The following FREM3 variants were observed in gnomAD, a reference collection of about 807,000 sequenced individuals.
The protein encoded by FREM3 is FRAS1-related extracellular matrix protein 3.
In FREM3, 105 loss-of-function variants were observed where a neutral mutation model predicts 129.1. The observed-to-expected ratio is 0.81, with a 90% CI of 0.69 to 0.96. The LOEUF (loss-of-function observed/expected upper bound fraction) is 0.96, where lower values mean the gene tolerates loss of function less well. FREM3 is among the 40% of genes least tolerant of loss of function. The pLI is 0.00. For synonymous variants in FREM3, 1,014 were observed against 1,044.9 expected (o/e 0.97, Z 0.57); for missense variants, 2,593 against 2,666.3 (o/e 0.97, Z 0.61).
chr4:143,692,318 T>G (rs918760328), intron 2 of FREM3, among the ~76,000 whole-genome samples: 1 of 152,198 alleles, frequency 6.6e-6, no homozygotes, highest in Non-Finnish European at 1.5e-5. Flanking sequence ...GCCTCTCATA[T>G]AGGACTACTT....
intron 6 of FREM3, among the ~76,000 whole-genome samples, chr4:143,600,073 A>T (rs1179377015): frequency 2.0e-5 from 3 of 152,206 alleles, no homozygotes; most frequent in Non-Finnish European, 2.9e-5. Flanking sequence ...CCTGGAGCAG[A>T]GGCATAGGAA....
chr4:143,661,790 ATTCAAC>A lies in FREM3; in HGVS notation c.5275+31317_5275+31322del, dbSNP rs529995442. 6.0e-3 allele frequency among the ~76,000 whole-genome samples: 906 copies of A among 152,222 alleles called. 3 individuals carry two copies. Among genetic ancestry groups the A allele is most frequent in the Non-Finnish European group, 8.2e-3 (557 of 68,022 alleles). On this transcript the variant is annotated intron_variant, in intron 2 of 7. Coordinates refer to ENST00000329798, the MANE Select transcript of FREM3 (RefSeq NM_001168235.2). ...GCTCCTGTTATTGGTCTATTTAGAG[ATTCAAC>A]TTCATCCTGGTTTAGTCTTGGGAGG...
chr4:143,676,719 A>G (rs1740138164), intron 2 of FREM3, among the ~76,000 whole-genome samples: 1 of 152,212 alleles, frequency 6.6e-6, no homozygotes, highest in Admixed American at 6.5e-5. Flanking sequence ...TCAGTGTGCA[A>G]AAATCACAAG....
At chr4:143,616,458 T>G (rs1217733359) in intron 5 of FREM3, among the ~76,000 whole-genome samples, 1 of 152,096 alleles carries the variant, frequency 6.6e-6, no homozygotes, top group Non-Finnish European at 1.5e-5. Flanking sequence ...AAAAAGAAAG[T>G]CTTTCACCTG....
intron 2 of FREM3, among the ~76,000 whole-genome samples, chr4:143,632,902 C>A (rs1261488248): frequency 2.0e-5 from 3 of 152,138 alleles, no homozygotes; most frequent in African/African-American, 7.2e-5. Flanking sequence ...TGCATGTAGC[C>A]CACAGGCCAT....
intron 5 of FREM3, among the ~76,000 whole-genome samples, chr4:143,617,803 C>T (rs1328596807): frequency 1.3e-5 from 2 of 152,166 alleles, no homozygotes; most frequent in African/African-American, 2.4e-5. Context: ...TCCATTGGTG[C>T]ACTGGGGCTC....
In FREM3 at chr4:143,698,208, T is replaced by C. The variant is rs757666262; in HGVS notation, c.2468A>G (p.Gln823Arg). ...TTCTGGGGGCTGGTTGTCCACAGGT[T>C]GCAGGAATAATGTGAATGTGCCTGG... Reference protein sequence around the residue: ...SVPGTFTLFLQPVDNQPPEVT... With the variant: ...SVPGTFTLFLRPVDNQPPEVT... Residue 823 changes from glutamine to arginine, a missense_variant, in exon 1 of 8, where the codon CAA becomes CGA. Gln to Arg is a conservative substitution (Grantham distance 43, BLOSUM62 1). Coordinates refer to ENST00000329798, the MANE Select transcript of FREM3 (RefSeq NM_001168235.2). 2.0e-6 allele frequency: 3 copies of C among 1,537,454 alleles called. No homozygotes were observed. Among genetic ancestry groups the C allele is most frequent in the East Asian group, 4.9e-5 (2 of 40,924 alleles).
intron 5 of FREM3, among the ~76,000 whole-genome samples, chr4:143,615,879 G>T (rs1403098341): frequency 6.6e-6 from 1 of 152,188 alleles, no homozygotes; most frequent in East Asian, 1.9e-4. Flanking sequence ...ACCATTGCAG[G>T]TGGAGACAGG....
chr4:143,674,391 G>GCGCT (rs1441238764), intron 2 of FREM3, among the ~76,000 whole-genome samples: 1 of 152,096 alleles, frequency 6.6e-6, no homozygotes, highest in Non-Finnish European at 1.5e-5. Context: ...CCTGAAGGAA[G>GCGCT]CGCTAAACAT....
chr4:143,604,305 AG>A (rs1318008686), intron 6 of FREM3, among the ~76,000 whole-genome samples: 16 of 152,102 alleles, frequency 1.1e-4, no homozygotes, highest in African/African-American at 3.9e-4. Flanking sequence ...ACCTAGCCTC[AG>A]GACTCTTTTA....
intron 7 of FREM3, among the ~76,000 whole-genome samples, chr4:143,578,415 G>A (rs1578817448): frequency 6.6e-6 from 1 of 151,790 alleles, no homozygotes. Flanking sequence ...TGTAATGATC[G>A]TAACATGATA....
intron 7 of FREM3, among the ~76,000 whole-genome samples, chr4:143,583,302 G>A (rs962934466): frequency 5.9e-5 from 9 of 152,118 alleles, no homozygotes; most frequent in Non-Finnish European, 8.8e-5. Context: ...TAGAAATACG[G>A]GATTCTGTAA....
chr4:143,600,120 T>C (rs1738547186), intron 6 of FREM3, among the ~76,000 whole-genome samples: 1 of 152,178 alleles, frequency 6.6e-6, no homozygotes, highest in African/African-American at 2.4e-5. Context: ...CAACTGGTTG[T>C]AGTGGTCTTA....
At chr4:143,591,082 A>T (rs1255776981) in intron 6 of FREM3, among the ~76,000 whole-genome samples, 2 of 152,040 alleles carry the variant, frequency 1.3e-5, no homozygotes, top group African/African-American at 4.8e-5. Context: ...ATCAGTGGTG[A>T]TATCCCCTTT....
In FREM3 at chr4:143,664,061, G is replaced by A. The variant is rs28894818; in HGVS notation, c.5275+29052C>T. Among the ~76,000 whole-genome samples the A allele has an allele frequency of 5.6e-3, 849 of 152,092 alleles. 3 individuals are homozygous for A. The highest frequency in any genetic ancestry group is 0.019 in the African/African-American group (796 of 41,512). ...TCCTGTAGTTCGGAGTAGTTTGATC[G>A]TCTGAAGTCTTCTTCTCTCAACTCA... is the stretch of plus-strand genomic sequence containing the variant. On this transcript the variant is annotated intron_variant, in intron 2 of 7. Coordinates refer to ENST00000329798, the MANE Select transcript of FREM3 (RefSeq NM_001168235.2).
chr4:143,614,839 G>A (rs1454364510), intron 5 of FREM3, among the ~76,000 whole-genome samples: 1 of 152,146 alleles, frequency 6.6e-6, no homozygotes, highest in Non-Finnish European at 1.5e-5. Context: ...TGAAGTCACT[G>A]AGCATAGAGT....
chr4:143,700,266 G>T lies in FREM3; in HGVS notation c.410C>A (p.Ala137Asp). The T allele has an allele frequency of 6.5e-7, 1 of 1,536,416 alleles. No individual in the cohort carries two copies. Among genetic ancestry groups the T allele is most frequent in the Non-Finnish European group, 8.7e-7 (1 of 1,146,814 alleles). ...THFGSHSPGR[A>D]RVLLQLRYDA... is the part of the protein sequence containing the mutation. The stretch of plus-strand genomic sequence containing the variant: ...GTAGCGCAGCTGCAGCAGCACCCGG[G>T]CGCGTCCGGGGCTGTGGGAGCCGAA... The change falls in exon 1 of 8, where the codon GCC becomes GAC. Residue 137 changes from alanine to aspartate, a missense_variant. Physicochemically the swap from Ala to Asp is moderately radical, Grantham distance 126. Around this residue, in one of 2 missense-constraint regions of FREM3, gnomAD observed 2,276 missense variants for 2,267.2 expected, o/e 1.00. Coordinates refer to ENST00000329798, the MANE Select transcript of FREM3 (RefSeq NM_001168235.2).
Position 143,700,642 on chromosome 4 carries a change from G to A in FREM3, c.34C>T (p.Pro12Ser), listed in dbSNP as rs1740684201. 1.4e-6 allele frequency: 2 copies of A among 1,438,488 alleles called. No homozygotes were observed. The highest frequency in any genetic ancestry group is 1.8e-6 in the Non-Finnish European group (2 of 1,100,596). 89.1% of individuals were successfully genotyped at this position (1,438,488 alleles called of 1,614,324 possible). The change falls in exon 1 of 8, where the codon CCC (proline) becomes TCC (serine). Residue 12 changes from proline to serine, a missense_variant. Around this residue, in one of 2 missense-constraint regions of FREM3, gnomAD observed 2,276 missense variants for 2,267.2 expected, o/e 1.00. Transcript: ENST00000329798. ...GCGAGCGCCACAAGGAGCTGCCGGGGCGTCCCAGTCGGGTGCCGAGAAGCC... is the reference window on the plus strand; with the variant it reads ...GCGAGCGCCACAAGGAGCTGCCGGGACGTCCCAGTCGGGTGCCGAGAAGCC... ...AGASRHPTGTPRQLLVALACL... is the reference protein window; with the variant it reads ...AGASRHPTGTSRQLLVALACL...
chr4:143,606,388 A>G (rs1050979474), intron 6 of FREM3, among the ~76,000 whole-genome samples: 1 of 151,266 alleles, frequency 6.6e-6, no homozygotes, highest in Non-Finnish European at 1.5e-5. Flanking sequence ...TTTTTTTGCA[A>G]ACACTTGAAG....
Sources: allele counts gnomAD v4.1 joint callset (sites outside exome capture counted in the v4.1 genomes callset), GRCh38; gene constraint gnomAD v4.1.1; regional missense constraint gnomAD v4.1.1; transcripts MANE v1.5; gene names NCBI Gene and HGNC (gene_info 2026-07-23, HGNC 2026-07-21).